SMOC1: variants seen among roughly 807,000 people sequenced by gnomAD.
SMOC1 encodes the protein SPARC related modular calcium binding 1, also known as SPARC-related modular calcium-binding protein 1.
In SMOC1, 22 loss-of-function variants were observed where a neutral mutation model predicts 56.3. The observed-to-expected ratio is 0.39, with a 90% CI of 0.28 to 0.56. SMOC1 has a LOEUF of 0.56. SMOC1 is among the 20% of genes least tolerant of loss of function. The probability of loss-of-function intolerance (pLI) is 0.61; values close to 1 mark genes in which losing one functional copy is unlikely to be tolerated. For synonymous variants in SMOC1, 193 were observed against 215.0 expected, an observed-to-expected ratio of 0.90 and a Z score of 0.89; for missense variants, 509 against 565.4, an observed-to-expected ratio of 0.90 and a Z score of 1.01.
chr14:69,943,694 C>A (rs1460760290), intron 1 of SMOC1, among the ~76,000 whole-genome samples: 3 of 152,146 alleles, frequency 2.0e-5, no homozygotes, highest in Admixed American at 1.3e-4. Context: ...CTTTCAATAG[C>A]AGGTTTACCT....
chr14:69,926,668 G>A (rs953478517), intron 1 of SMOC1, among the ~76,000 whole-genome samples: 6 of 152,148 alleles, frequency 3.9e-5, no homozygotes, highest in African/African-American at 9.7e-5. Flanking sequence ...GCGAAACCAC[G>A]TTCCTTCCCT....
rs531274794 is a variant in SMOC1, at chr14:69,983,884, G to A, written c.526+5919G>A. 2.3e-4 allele frequency among the ~76,000 whole-genome samples: 35 copies of A among 152,352 alleles called. No homozygotes were observed. The South Asian group carries it at 5.0e-3, about 22-fold the overall frequency. ...TCCAGCTCAGAGGGCCACAGAACTC[G>A]TGTGGTAAAGGCCGAGGAACTGTCA... is the stretch of plus-strand genomic sequence containing the variant. On this transcript the variant is annotated intron_variant, in intron 5 of 11. Transcript: ENST00000361956.
intron 3 of SMOC1, among the ~76,000 whole-genome samples, chr14:69,961,445 A>T: frequency 6.6e-6 from 1 of 151,632 alleles, no homozygotes; most frequent in East Asian, 1.9e-4. Flanking sequence ...CAGTGGCATG[A>T]TCTGGACTCA....
At chr14:70,003,706 C>T (rs1885051017) in intron 7 of SMOC1, among the ~76,000 whole-genome samples, 1 of 152,140 alleles carries the variant, frequency 6.6e-6, no homozygotes, top group South Asian at 2.1e-4. Flanking sequence ...GTCAGGGTAC[C>T]GAGGACAAGG....
At chr14:70,004,559 C>G (rs148566442) in intron 7 of SMOC1, among the ~76,000 whole-genome samples, 5 of 152,350 alleles carry the variant, frequency 3.3e-5, no homozygotes, top group East Asian at 1.9e-4. Context: ...AGTCTGCTGA[C>G]CTGACCTATT....
At chr14:69,987,109 C>T (rs527388781) in intron 5 of SMOC1, among the ~76,000 whole-genome samples, 2 of 152,298 alleles carry the variant, frequency 1.3e-5, no homozygotes, top group Non-Finnish European at 2.9e-5. Flanking sequence ...CCACATTGAG[C>T]CTCAGAATCA....
In SMOC1 at chr14:70,011,089, T is replaced by C. The variant is rs575486924; in HGVS notation, c.857+143T>C. On this transcript the variant is annotated intron_variant, in intron 8 of 11. Transcript: ENST00000361956. ...TTTCAATGAGTAGAAGAGTTTCAGG[T>C]AGAAAGACCCTGGGACCTGGATTCT... The C allele has an allele frequency of 1.3e-5, 12 of 936,650 alleles. No individual in the cohort carries two copies. In the East Asian group the frequency reaches 3.1e-4, roughly 24 times the overall value. 58.0% of individuals were successfully genotyped at this position (936,650 alleles called of 1,614,324 possible). A position where few individuals can be genotyped will look rare whatever the true frequency, so the allele number is the denominator to read the frequency against.
At chr14:69,922,049 A>G (rs1323098278) in intron 1 of SMOC1, among the ~76,000 whole-genome samples, 3 of 152,144 alleles carry the variant, frequency 2.0e-5, no homozygotes, top group Non-Finnish European at 4.4e-5. Flanking sequence ...CCCAGGTCAG[A>G]GTGAGTGGGC....
chr14:69,975,380 G>A (rs1016471436), intron 3 of SMOC1, among the ~76,000 whole-genome samples: 9 of 152,138 alleles, frequency 5.9e-5, no homozygotes, highest in African/African-American at 2.2e-4. Flanking sequence ...CAGTTGGATG[G>A]GAGCGTATGC....
chr14:69,884,612 A>G (rs1022639223), intron 1 of SMOC1, among the ~76,000 whole-genome samples: 2 of 152,186 alleles, frequency 1.3e-5, no homozygotes, highest in African/African-American at 4.8e-5. Context: ...ATTTTTGTAT[A>G]TGGTGAGAGA....
chr14:69,879,875 G>A lies in SMOC1; in HGVS notation c.99+98G>A. ...AGGAGGAGGGGGAAGAGAGATGTCA[G>A]AGACCTGTTGTCCTCTGTCTACTAC... On this transcript the variant is annotated intron_variant, in intron 1 of 11. Transcript: ENST00000361956. 7.2e-6 allele frequency: 8 copies of A among 1,116,400 alleles called. No individual in the cohort carries two copies. The South Asian group carries it at 1.2e-4, about 16-fold the overall frequency. 69.2% of individuals were successfully genotyped at this position (1,116,400 alleles called of 1,614,324 possible).
chr14:69,980,358 G>A (rs1038518080), intron 5 of SMOC1, among the ~76,000 whole-genome samples: 5 of 152,172 alleles, frequency 3.3e-5, no homozygotes, highest in African/African-American at 1.2e-4. Flanking sequence ...TTCCTCTTTG[G>A]TGCAAAGGTC....
intron 5 of SMOC1, among the ~76,000 whole-genome samples, chr14:69,981,019 C>G (rs963013140): frequency 5.9e-5 from 9 of 152,134 alleles, no homozygotes; most frequent in African/African-American, 1.9e-4. Flanking sequence ...CACGGAGAGT[C>G]TGGTCGCCAG....
chr14:69,943,462 T>C (rs1882649778), intron 1 of SMOC1, among the ~76,000 whole-genome samples: 1 of 152,130 alleles, frequency 6.6e-6, no homozygotes, highest in Non-Finnish European at 1.5e-5. Context: ...AATTTGATAG[T>C]GGGTGGGTGA....
At chr14:69,991,081 G>A (rs965627077) in intron 5 of SMOC1, among the ~76,000 whole-genome samples, 9 of 152,208 alleles carry the variant, frequency 5.9e-5, no homozygotes, top group Non-Finnish European at 1.2e-4. Context: ...ATGGTAGAGG[G>A]TTGTTATTAT....
Position 69,952,168 on chromosome 14 carries a change from A to G in SMOC1, c.130A>G (p.Asn44Asp), listed in dbSNP as rs926154259. The G allele has an allele frequency of 3.1e-6, 5 of 1,614,166 alleles. No homozygotes were observed. Among genetic ancestry groups the G allele is most frequent in the Non-Finnish European group, 4.2e-6 (5 of 1,180,008 alleles). ...FLISDRDPQC[N>D]LHCSRTQPKP... Reference sequence around the variant, plus strand: ...AATAAGTGACCGTGACCCACAGTGCAACCTCCACTGCTCCAGGACTCAACC... The same window carrying G: ...AATAAGTGACCGTGACCCACAGTGCGACCTCCACTGCTCCAGGACTCAACC... Residue 44 changes from asparagine (N) to aspartate (D), a missense_variant, in exon 2 of 12, where the codon AAC becomes GAC. This residue lies in a region of SMOC1 where 315 missense variants were observed against 333.1 expected (regional missense o/e 0.95). Coordinates refer to ENST00000361956, the MANE Select transcript of SMOC1 (RefSeq NM_001034852.3).
chr14:69,933,467 G>T (rs1885218505), intron 1 of SMOC1, among the ~76,000 whole-genome samples: 1 of 152,050 alleles, frequency 6.6e-6, no homozygotes. Context: ...ACAGCTGTGT[G>T]TTAAAAATCA....
chr14:69,966,318 C>T (rs772734606), intron 3 of SMOC1, among the ~76,000 whole-genome samples: 7 of 152,136 alleles, frequency 4.6e-5, no homozygotes, highest in Admixed American at 6.5e-5. Flanking sequence ...CTTGGGTCCC[C>T]GGAGCCCTAA....
At chr14:69,939,117 T>C (rs1378413996) in intron 1 of SMOC1, among the ~76,000 whole-genome samples, 1 of 152,194 alleles carries the variant, frequency 6.6e-6, no homozygotes, top group Non-Finnish European at 1.5e-5. Flanking sequence ...TTCAGCCACA[T>C]TGTGAGTTAC....
Sources: gnomAD v4.1 joint callset for allele counts (sites outside exome capture counted in the v4.1 genomes callset) on GRCh38, gnomAD v4.1.1 for gene constraint, gnomAD v4.1.1 regional missense constraint, MANE v1.5 for transcripts, NCBI Gene and HGNC (gene_info 2026-07-23, HGNC 2026-07-21) for gene names.